Variants in WNT9A observed in about 807,000 individuals in gnomAD.
WNT9A encodes the protein protein Wnt-9a.
Under a neutral mutation model 31.4 loss-of-function variants are expected in WNT9A, and 8 were observed. The observed-to-expected ratio is 0.26, with a 90% CI of 0.15 to 0.46. The LOEUF (loss-of-function observed/expected upper bound fraction) is 0.46, where lower values mean the gene tolerates loss of function less well. WNT9A is among the 20% of genes least tolerant of loss of function. WNT9A has a pLI of 0.99. For synonymous variants in WNT9A, 236 were observed against 220.1 expected (o/e 1.07, Z -0.64); for missense variants, 457 against 522.9 (o/e 0.87, Z 1.23).
Position 227,921,933 on chromosome 1 carries a change from G to T in WNT9A, c.683C>A (p.Thr228Asn). 1 of 1,613,148 alleles carries T rather than the reference G, an allele frequency of 6.2e-7. No homozygotes were observed. Among genetic ancestry groups the T allele is most frequent in the Non-Finnish European group, 8.5e-7 (1 of 1,179,934 alleles). The change falls in exon 4 of 4, where the codon ACC (threonine) becomes AAC (asparagine). Residue 228 changes from threonine to asparagine, a missense_variant. Coordinates refer to ENST00000272164, the MANE Select transcript of WNT9A (RefSeq NM_003395.4). ...GAAAGGCGCCAACTGCCGCCAGCAG[G>T]TCCGCACCGTGCATGAGCCTGACAC... Reference protein sequence around the residue: ...HGVSGSCTVRTCWRQLAPFHE... With the variant: ...HGVSGSCTVRNCWRQLAPFHE...
chr1:227,945,688 C>T (rs569817146), intron 1 of WNT9A, among the ~76,000 whole-genome samples: 4 of 151,968 alleles, frequency 2.6e-5, no homozygotes, highest in African/African-American at 4.8e-5. Flanking sequence ...CCCCAGCCCC[C>T]CTCCAGCTCC....
At chr1:227,935,890 C>T (rs1666586603) in intron 1 of WNT9A, among the ~76,000 whole-genome samples, 1 of 152,232 alleles carries the variant, frequency 6.6e-6, no homozygotes, top group African/African-American at 2.4e-5. Context: ...TCTACCTGGG[C>T]AGCACAGGGC....
At chr1:227,923,688 G>A (rs1036908654) in intron 3 of WNT9A, among the ~76,000 whole-genome samples, 3 of 152,062 alleles carry the variant, frequency 2.0e-5, no homozygotes, top group Non-Finnish European at 4.4e-5. Flanking sequence ...CCTTCCCTGG[G>A]ATCCCCTGCC....
chr1:227,924,690 C>T (rs571619641), intron 2 of WNT9A, among the ~76,000 whole-genome samples: 3 of 152,328 alleles, frequency 2.0e-5, no homozygotes, highest in South Asian at 2.1e-4. Context: ...CCCAGCCTCA[C>T]CATGGGGCCA....
chr1:227,933,967 A>G (rs1478132377), intron 1 of WNT9A, among the ~76,000 whole-genome samples: 3 of 152,156 alleles, frequency 2.0e-5, no homozygotes, highest in Admixed American at 1.3e-4. Context: ...TGGCTGTCTT[A>G]TTTCACCGAA....
At position 227,945,688 on chromosome 1, in the gene WNT9A, C is replaced by G. The variant is rs569817146; in HGVS notation, c.95+2105G>C. On this transcript the variant is annotated intron_variant, in intron 1 of 3. Transcript: ENST00000272164. ...AGCTGGGAAGGGCCACCCCAGCCCC[C>G]CTCCAGCTCCAGCCCCGCCTGGCCT... 3.7e-4 allele frequency among the ~76,000 whole-genome samples: 57 copies of G among 152,086 alleles called. 1 individual carries two copies. The East Asian group carries it at 9.3e-3, about 25-fold the overall frequency.
chr1:227,927,064 C>T (rs1365615886), intron 1 of WNT9A, among the ~76,000 whole-genome samples: 1 of 152,166 alleles, frequency 6.6e-6, no homozygotes, highest in Non-Finnish European at 1.5e-5. Context: ...CCCGGCCAAG[C>T]TGACGTCCTG....
intron 1 of WNT9A, among the ~76,000 whole-genome samples, chr1:227,946,839 C>A (rs934757888): frequency 6.6e-6 from 1 of 152,092 alleles, no homozygotes; most frequent in Non-Finnish European, 1.5e-5. Context: ...AACAGGTGAC[C>A]GGCGGAGGGC....
At position 227,924,419 on chromosome 1, in the gene WNT9A, G is replaced by T; in HGVS notation, c.353-19C>A. 1 of 1,603,574 alleles carries T rather than the reference G, an allele frequency of 6.2e-7. No individual in the cohort carries two copies. Among genetic ancestry groups the T allele is most frequent in the Non-Finnish European group, 8.5e-7 (1 of 1,172,348 alleles). On this transcript the variant is annotated intron_variant, in intron 2 of 3. Transcript: ENST00000272164. ...TTGAAGCCTGGGGTTGGCAAGGGCC[G>T]ATCAGTGAGCCCAGGCTGCCCAGAG...
chr1:227,947,206 G>C (rs1188053106), intron 1 of WNT9A, among the ~76,000 whole-genome samples: 4 of 152,082 alleles, frequency 2.6e-5, no homozygotes, highest in African/African-American at 7.2e-5. Context: ...CTCCCGGCCA[G>C]GTTCCATGGA....
At chr1:227,944,379 G>A (rs938147968) in intron 1 of WNT9A, among the ~76,000 whole-genome samples, 5 of 152,220 alleles carry the variant, frequency 3.3e-5, no homozygotes, top group African/African-American at 9.7e-5. Context: ...AACGGGCAGC[G>A]ACTGCCTAAT....
intron 1 of WNT9A, among the ~76,000 whole-genome samples, chr1:227,930,830 G>A (rs932995955): frequency 5.3e-5 from 8 of 152,122 alleles, no homozygotes; most frequent in Non-Finnish European, 1.2e-4. Flanking sequence ...AGACCAGCCT[G>A]GCCAACATGG....
In WNT9A at chr1:227,928,901, A is replaced by C. The variant is rs1040743664; in HGVS notation, c.96-3382T>G. 1.3e-5 allele frequency among the ~76,000 whole-genome samples: 2 copies of C among 152,372 alleles called. No homozygotes were observed. The highest frequency in any genetic ancestry group is 4.8e-5 in the African/African-American group (2 of 41,584). ...AAAAGTATAAAAATCTCTGCACAGC[A>C]AAGAACAAAAAAGAGGCAGCGCAGA... On this transcript the variant is annotated intron_variant, in intron 1 of 3. Transcript: ENST00000272164. This position sits in a 1 kb window ranked among gnomAD's most constrained non-coding sequence, Gnocchi z 4.5.
In WNT9A at chr1:227,926,779, G is replaced by A. The variant is rs538950186; in HGVS notation, c.96-1260C>T. 8.0e-4 allele frequency among the ~76,000 whole-genome samples: 121 copies of A among 152,106 alleles called. No homozygotes were observed. The highest frequency in any genetic ancestry group is 1.2e-3 in the Non-Finnish European group (83 of 67,976). On this transcript the variant is annotated intron_variant, in intron 1 of 3. Transcript: ENST00000272164. The surrounding 1 kb of genome is among the most constrained non-coding windows in gnomAD (Gnocchi z 5.0). ...AGCCACCGGGGTGCCAGCTTGGGAA[G>A]GCTCCCCCCACACCCTCACATGGCC...
chr1:227,922,504 C>T (rs1038469331), intron 3 of WNT9A, among the ~76,000 whole-genome samples: 16 of 152,198 alleles, frequency 1.1e-4, no homozygotes, highest in Admixed American at 5.2e-4. Context: ...CATGCAGACG[C>T]GACCCCCAAC....
intron 1 of WNT9A, among the ~76,000 whole-genome samples, chr1:227,938,072 T>C (rs1666625042): frequency 6.6e-6 from 1 of 152,160 alleles, no homozygotes; most frequent in Non-Finnish European, 1.5e-5. Context: ...GCCTTTACTA[T>C]GCACCCTCAT....
intron 1 of WNT9A, among the ~76,000 whole-genome samples, chr1:227,940,875 C>T (rs182850614): frequency 1.8e-3 from 281 of 152,346 alleles, no homozygotes; most frequent in African/African-American, 6.5e-3. Flanking sequence ...CTGCAGGTCA[C>T]GGGGCCGGGG....
chr1:227,934,722 T>C (rs976004648), intron 1 of WNT9A, among the ~76,000 whole-genome samples: 1 of 152,156 alleles, frequency 6.6e-6, no homozygotes, highest in Non-Finnish European at 1.5e-5. Flanking sequence ...ATCATTTCAG[T>C]TGCTCCTAAA....
chr1:227,929,050 T>C (rs1666466315), intron 1 of WNT9A, among the ~76,000 whole-genome samples: 1 of 151,624 alleles, frequency 6.6e-6, no homozygotes, highest in Non-Finnish European at 1.5e-5. Context: ...TATAAACCAA[T>C]AACAAAGGAA....
Sources: allele counts gnomAD v4.1 joint callset (sites outside exome capture counted in the v4.1 genomes callset), GRCh38; gene constraint gnomAD v4.1.1; non-coding constraint Gnocchi (gnomAD v3.1); transcripts MANE v1.5; gene names NCBI Gene and HGNC (gene_info 2026-07-23, HGNC 2026-07-21).